The following SNX18 variants were observed in gnomAD, a reference collection of about 807,000 sequenced individuals.
SNX18 encodes sorting nexin 18, also known as sorting nexin-18.
SNX18 carries 35 observed loss-of-function variants against 48.7 expected under a neutral mutation model. The observed-to-expected ratio is 0.72, with a 90% CI of 0.55 to 0.95. SNX18 has a LOEUF of 0.95. SNX18 is among the 40% of genes least tolerant of loss of function. SNX18 has a pLI of 0.00. For missense variants in SNX18, 824 were observed against 871.0 expected, an observed-to-expected ratio of 0.95 and a Z score of 0.68; for synonymous variants, 492 against 384.7, an observed-to-expected ratio of 1.28 and a Z score of -3.26.
chr5:54,517,803 A>G lies in SNX18; in HGVS notation c.-150A>G. 5 of 664,618 alleles carry G rather than the reference A, an allele frequency of 7.5e-6. No homozygotes were observed. The highest frequency in any genetic ancestry group is 4.1e-5 in the East Asian group (1 of 24,128). 41.2% of individuals were successfully genotyped at this position (664,618 alleles called of 1,614,324 possible). ...AGGCGCTGCGAGCGGAGCCGCGCGG[A>G]GGGCGCGACCGGCTGGTCCGGGCAG... On this transcript the variant is annotated 5_prime_UTR_variant, in exon 1 of 2. Coordinates refer to ENST00000381410, the MANE Select transcript of SNX18 (RefSeq NM_001102575.2).
rs1761903915 is a variant in SNX18, at chr5:54,518,057, C to G, written c.105C>G (p.Ile35Met). 6.5e-7 allele frequency: 1 copy of G among 1,546,636 alleles called. No individual in the cohort carries two copies. The highest frequency in any genetic ancestry group is 1.4e-5 in the African/African-American group (1 of 70,432). Residue 35 changes from isoleucine (I) to methionine (M), a missense_variant, in exon 1 of 2, where the codon ATC (isoleucine) becomes ATG (methionine). Physicochemically the swap from Ile to Met is conservative, Grantham distance 10. Transcript: ENST00000381410. The part of the protein sequence containing the change: ...EVLSLCSEQD[I>M]EGWLEGVNSR... Reference sequence around the variant, plus strand: ...TGAGCCTGTGCAGCGAGCAGGACATCGAGGGCTGGCTCGAGGGGGTCAACA... The same window carrying G: ...TGAGCCTGTGCAGCGAGCAGGACATGGAGGGCTGGCTCGAGGGGGTCAACA...
At chr5:54,628,426 G>A in the SNX18 span, among the ~76,000 whole-genome samples, 1 of 152,202 alleles carries the variant, frequency 6.6e-6, no homozygotes, top group Non-Finnish European at 1.5e-5. Flanking sequence ...TGGAGACCTG[G>A]CTGTCACTCT....
At position 54,519,094 on chromosome 5, in the gene SNX18, G is replaced by C; in HGVS notation, c.1142G>C (p.Cys381Ser). ...QCDVFQHFLT[C>S]PSSTDEKAWK... Reference sequence around the variant, plus strand: ...GACGTCTTCCAGCACTTCCTGACGTGCCCCAGCAGCACCGACGAGAAAGCC... The same window carrying C: ...GACGTCTTCCAGCACTTCCTGACGTCCCCCAGCAGCACCGACGAGAAAGCC... The change falls in exon 1 of 2, where the codon TGC becomes TCC. Residue 381 changes from cysteine to serine, a missense_variant. Physicochemically the swap from Cys to Ser is moderately radical, Grantham distance 112. This residue lies in a region of SNX18 where 443 missense variants were observed against 503.6 expected (regional missense o/e 0.88). Transcript: ENST00000381410. 6.2e-7 allele frequency: 1 copy of C among 1,614,024 alleles called. No homozygotes were observed. The highest frequency in any genetic ancestry group is 8.5e-7 in the Non-Finnish European group (1 of 1,180,008).
At chr5:54,623,750 T>C in the SNX18 span, among the ~76,000 whole-genome samples, 2 of 152,178 alleles carry the variant, frequency 1.3e-5, no homozygotes, top group African/African-American at 4.8e-5. Flanking sequence ...AATACTGTCC[T>C]ATTGCCATTA....
At chr5:54,621,633 A>G in the SNX18 span, among the ~76,000 whole-genome samples, 2 of 152,180 alleles carry the variant, frequency 1.3e-5, no homozygotes, top group Non-Finnish European at 2.9e-5. Context: ...TATCAAGCAC[A>G]ACAACGTTAC....
chr5:54,574,798 C>A, the SNX18 span, among the ~76,000 whole-genome samples: 2 of 152,078 alleles, frequency 1.3e-5, no homozygotes, highest in African/African-American at 4.8e-5. Flanking sequence ...GGGCTGGAAC[C>A]ACCAGGGCTG....
the SNX18 span, among the ~76,000 whole-genome samples, chr5:54,638,359 G>A: frequency 2.0e-5 from 3 of 152,172 alleles, no homozygotes; most frequent in Admixed American, 2.0e-4. Context: ...CGTATGCTAT[G>A]TTTTTCTGAC....
At chr5:54,606,084 CAATA>C in the SNX18 span, among the ~76,000 whole-genome samples, 4 of 152,100 alleles carry the variant, frequency 2.6e-5, no homozygotes, top group African/African-American at 9.7e-5. Flanking sequence ...TTTTATATTG[CAATA>C]AATAAAGATG....
the SNX18 span, among the ~76,000 whole-genome samples, chr5:54,583,595 T>C: frequency 6.6e-6 from 1 of 152,210 alleles, no homozygotes; most frequent in East Asian, 1.9e-4. Flanking sequence ...TCGTGTGGCA[T>C]TGGACAAGTT....
the SNX18 span, among the ~76,000 whole-genome samples, chr5:54,639,642 G>C: frequency 6.6e-6 from 1 of 152,100 alleles, no homozygotes; most frequent in Non-Finnish European, 1.5e-5. Flanking sequence ...ATAGTAACTT[G>C]CTCAAAGTAA....
At chr5:54,519,700 T>C (rs760714721) in intron 1 of SNX18, 127 bp downstream of exon 1, 2 of 1,614,230 alleles carry the variant, frequency 1.2e-6, no homozygotes, top group South Asian at 1.1e-5. Flanking sequence ...AGCAGAGACG[T>C]GGACGCCTGG....
chr5:54,578,097 C>A, the SNX18 span, among the ~76,000 whole-genome samples: 3 of 152,128 alleles, frequency 2.0e-5, no homozygotes, highest in Non-Finnish European at 4.4e-5. Flanking sequence ...AGATTCCAGG[C>A]AAATCAATGC....
At chr5:54,625,175 C>G in the SNX18 span, among the ~76,000 whole-genome samples, 1 of 152,106 alleles carries the variant, frequency 6.6e-6, no homozygotes, top group Non-Finnish European at 1.5e-5. Flanking sequence ...GGGAAAGAGA[C>G]AGTAGTATTC....
the SNX18 span, among the ~76,000 whole-genome samples, chr5:54,581,576 C>T: frequency 2.0e-5 from 3 of 152,182 alleles, no homozygotes; most frequent in Non-Finnish European, 4.4e-5. Context: ...CCCCTGCCTG[C>T]TCCCACGTTT....
the SNX18 span, among the ~76,000 whole-genome samples, chr5:54,626,276 T>G: frequency 1.3e-5 from 2 of 152,350 alleles, no homozygotes; most frequent in South Asian, 4.1e-4. Flanking sequence ...AGGATTGTAG[T>G]AAACTATTTA....
the SNX18 span, among the ~76,000 whole-genome samples, chr5:54,629,041 A>G: frequency 6.6e-6 from 1 of 152,224 alleles, no homozygotes; most frequent in Admixed American, 6.5e-5. Context: ...ACAATGTCCA[A>G]CATGGCCCCT....
At chr5:54,606,291 T>G in the SNX18 span, among the ~76,000 whole-genome samples, 1 of 152,254 alleles carries the variant, frequency 6.6e-6, no homozygotes, top group African/African-American at 2.4e-5. Context: ...GGTTATCAGA[T>G]AATTCTTATA....
At chr5:54,618,960 A>G in the SNX18 span, among the ~76,000 whole-genome samples, 1 of 151,222 alleles carries the variant, frequency 6.6e-6, no homozygotes. Context: ...AAAAAAGGAA[A>G]CCTTTTTAAC....
intron 1 of SNX18, among the ~76,000 whole-genome samples, chr5:54,540,237 G>C (rs929823448): frequency 4.0e-5 from 6 of 150,788 alleles, no homozygotes; most frequent in Non-Finnish European, 7.4e-5. Flanking sequence ...TTTGAGATAG[G>C]GTTTTACTCT....
Sources: gnomAD v4.1 joint callset for allele counts (sites outside exome capture counted in the v4.1 genomes callset) on GRCh38, gnomAD v4.1.1 for gene constraint, gnomAD v4.1.1 regional missense constraint, MANE v1.5 for transcripts, NCBI Gene and HGNC (gene_info 2026-07-23, HGNC 2026-07-21) for gene names.